ADAMTS19: variants seen among roughly 807,000 people sequenced by gnomAD.
ADAMTS19 encodes the protein A disintegrin and metalloproteinase with thrombospondin motifs 19.
In ADAMTS19, 93 loss-of-function variants were observed where a neutral mutation model predicts 153.3. That is an observed-to-expected ratio of 0.61 (90% CI 0.51 to 0.72). ADAMTS19 has a LOEUF of 0.72. ADAMTS19 is among the 30% of genes least tolerant of loss of function. The pLI, the probability that ADAMTS19 is intolerant of heterozygous loss-of-function variation, is 0.00. For missense variants in ADAMTS19, 1,482 were observed against 1,552.1 expected (o/e 0.95, Z 0.76); for synonymous variants, 600 against 556.6 (o/e 1.08, Z -1.10).
chr5:129,708,400 A>G (rs906028278), intron 21 of ADAMTS19, among the ~76,000 whole-genome samples: 1 of 151,894 alleles, frequency 6.6e-6, no homozygotes, highest in Non-Finnish European at 1.5e-5. Flanking sequence ...CATTACACAC[A>G]TTTCCTGCCA....
At position 129,675,199 on chromosome 5, in the gene ADAMTS19, C is replaced by T. The variant is rs1754500912; in HGVS notation, c.2507-4565C>T. On this transcript the variant is annotated intron_variant, in intron 16 of 22. Transcript: ENST00000274487. Reference sequence around the variant, plus strand: ...ATTGTTATTCCCTATTATTGGATTCCAGCAGTTTGATTATAATGTACCTTG... The same window carrying T: ...ATTGTTATTCCCTATTATTGGATTCTAGCAGTTTGATTATAATGTACCTTG... Among the ~76,000 whole-genome samples the T allele has an allele frequency of 2.0e-5, 3 of 152,216 alleles. No homozygotes were observed. The South Asian group carries it at 6.2e-4, about 32-fold the overall frequency.
chr5:129,535,860 T>G (rs1184045739), intron 6 of ADAMTS19, among the ~76,000 whole-genome samples: 1 of 152,178 alleles, frequency 6.6e-6, no homozygotes, highest in African/African-American at 2.4e-5. Flanking sequence ...GCTAGCCATA[T>G]GTAGAAAGCT....
intron 19 of ADAMTS19, among the ~76,000 whole-genome samples, chr5:129,699,422 CAAAAAAA>C (rs536240544): frequency 2.5e-5 from 2 of 80,588 alleles, no homozygotes; most frequent in African/African-American, 7.5e-5. Context: ...GACTTCATCT[CAAAAAAA>C]AAAAAAAAAA....
chr5:129,460,965 G>GT, intron 1 of ADAMTS19, 137 bp from the exon 2 acceptor site: 1 of 1,231,994 alleles, frequency 8.1e-7, no homozygotes, highest in Non-Finnish European at 1.0e-6. Context: ...GGGTTGCAGA[G>GT]TTTCAGGGTC....
chr5:129,647,916 T>TG (rs1417313596), intron 12 of ADAMTS19, 21 bp downstream of exon 12: 7 of 1,600,200 alleles, frequency 4.4e-6, no homozygotes, highest in Non-Finnish European at 6.0e-6. Flanking sequence ...AGTTCCTGGT[T>TG]GGGGGAGGGC....
intron 2 of ADAMTS19, among the ~76,000 whole-genome samples, chr5:129,476,849 T>C (rs538268557): frequency 2.0e-5 from 3 of 152,258 alleles, no homozygotes; most frequent in East Asian, 3.9e-4. Flanking sequence ...TACATAGAGG[T>C]GTGTTATGAC....
At chr5:129,525,278 G>T (rs1403829641) in intron 3 of ADAMTS19, among the ~76,000 whole-genome samples, 6 of 152,046 alleles carry the variant, frequency 3.9e-5, no homozygotes, top group Non-Finnish European at 8.8e-5. Context: ...TGCATATGAT[G>T]CTTCTATTTG....
rs1751805186 is a variant in ADAMTS19 at position 129,622,190 on chromosome 5, A to G, written c.1620-8A>G. The stretch of plus-strand genomic sequence containing the variant: ...TTCAAAAGTTTACACATACCTGCCT[A>G]TTGCCAGGTCAAAGGCCAGTAACTG... On this transcript the variant is annotated splice_region_variant and splice_polypyrimidine_tract_variant and intron_variant, in intron 9 of 22. Transcript: ENST00000274487. 1.2e-6 allele frequency: 2 copies of G among 1,614,034 alleles called. No individual in the cohort carries two copies. The highest frequency in any genetic ancestry group is 1.7e-6 in the Non-Finnish European group (2 of 1,179,924).
chr5:129,634,026 T>C (rs531068875), intron 10 of ADAMTS19, among the ~76,000 whole-genome samples: 7 of 152,146 alleles, frequency 4.6e-5, no homozygotes, highest in African/African-American at 1.4e-4. Flanking sequence ...TCTGTCTTCG[T>C]GAGTCTATAA....
At position 129,737,243 on chromosome 5, in the gene ADAMTS19, A is replaced by G; in HGVS notation, c.*25A>G. ...ACCTCTAGCAGGCTGGCTGGATCAC[A>G]GCTCTTGGCAATTACATTATTTATA... is the stretch of plus-strand genomic sequence containing the variant. On this transcript the variant is annotated 3_prime_UTR_variant, in exon 23 of 23. Transcript: ENST00000274487. 1.3e-6 allele frequency: 2 copies of G among 1,560,636 alleles called. No individual in the cohort carries two copies. Among genetic ancestry groups the G allele is most frequent in the Non-Finnish European group, 1.7e-6 (2 of 1,144,526 alleles).
intron 14 of ADAMTS19, among the ~76,000 whole-genome samples, chr5:129,656,318 T>C (rs1753545364): frequency 6.6e-6 from 1 of 152,214 alleles, no homozygotes; most frequent in Non-Finnish European, 1.5e-5. Context: ...AGTCTTTCAG[T>C]AAAATTGAAA....
chr5:129,528,521 C>T lies in ADAMTS19; in HGVS notation c.1172C>T (p.Pro391Leu), dbSNP rs375486315. The T allele has an allele frequency of 2.5e-6, 4 of 1,577,564 alleles. No individual in the cohort carries two copies. The highest frequency in any genetic ancestry group is 3.4e-6 in the Non-Finnish European group (4 of 1,165,706). ...GTGATGAGCTCTGTTCTTTTGCAGCCAGAACTATATATTGGGCATCATGGA... is the reference window on the plus strand; with the variant it reads ...GTGATGAGCTCTGTTCTTTTGCAGCTAGAACTATATATTGGGCATCATGGA... ...IKLILLHETP[P>L]ELYIGHHGEK... Residue 391 changes from proline (P) to leucine (L), a missense_variant and splice_region_variant, in exon 6 of 23, where the codon CCA (proline) becomes CTA (leucine). This residue lies in a region of ADAMTS19 where 866 missense variants were observed against 827.7 expected (regional missense o/e 1.05). Transcript: ENST00000274487.
rs1390592378 is a variant in ADAMTS19, at chr5:129,641,964, A to C, written c.1872+4A>C. On this transcript the variant is annotated splice_donor_region_variant and intron_variant, in intron 11 of 22. Transcript: ENST00000274487. ...AACTGACTGTGACCTTGGTAAGGTA[A>C]GTCATTTGTGTTGTCTGAATTTAAT... 2.5e-6 allele frequency: 4 copies of C among 1,576,220 alleles called. No individual in the cohort carries two copies. The highest frequency in any genetic ancestry group is 2.6e-6 in the Non-Finnish European group (3 of 1,155,936).
intron 3 of ADAMTS19, among the ~76,000 whole-genome samples, chr5:129,517,349 C>T (rs577812064): frequency 2.2e-4 from 33 of 151,892 alleles, no homozygotes; most frequent in Non-Finnish European, 4.7e-4. Context: ...GATTTTCTGT[C>T]TGGAAGATGT....
intron 6 of ADAMTS19, among the ~76,000 whole-genome samples, chr5:129,536,030 A>C (rs2126786683): frequency 6.6e-6 from 1 of 152,356 alleles, no homozygotes. Flanking sequence ...AAACACCAAA[A>C]GCAATGGCAA....
intron 7 of ADAMTS19, among the ~76,000 whole-genome samples, chr5:129,555,196 A>G (rs2126830290): frequency 6.6e-6 from 1 of 152,222 alleles, no homozygotes; most frequent in African/African-American, 2.4e-5. Flanking sequence ...GGGTTGAATG[A>G]TAACTTTAAG....
intron 3 of ADAMTS19, among the ~76,000 whole-genome samples, chr5:129,516,282 T>TC (rs1751604188): frequency 6.6e-6 from 1 of 150,946 alleles, no homozygotes; most frequent in South Asian, 2.1e-4. Flanking sequence ...TTTTCTTTTT[T>TC]TTTTTTGTAT....
intron 2 of ADAMTS19, among the ~76,000 whole-genome samples, chr5:129,471,767 C>T (rs1390744523): frequency 6.6e-6 from 1 of 152,160 alleles, no homozygotes; most frequent in Non-Finnish European, 1.5e-5. Flanking sequence ...CATGTGTTCT[C>T]ATCATTTAGC....
chr5:129,708,359 T>A (rs1158924998), intron 21 of ADAMTS19, among the ~76,000 whole-genome samples: 4 of 152,178 alleles, frequency 2.6e-5, no homozygotes, highest in Admixed American at 2.0e-4. Flanking sequence ...GCTATAGACA[T>A]GTTCTTCGGA....
Sources: allele counts gnomAD v4.1 joint callset (sites outside exome capture counted in the v4.1 genomes callset), GRCh38; gene constraint gnomAD v4.1.1; regional missense constraint gnomAD v4.1.1; transcripts MANE v1.5; gene names NCBI Gene and HGNC (gene_info 2026-07-23, HGNC 2026-07-21).